Variants in SUN1 observed in about 807,000 individuals in gnomAD.
The protein encoded by SUN1 is SUN domain-containing protein 1.
A neutral mutation model predicts 103.2 loss-of-function variants in SUN1; 61 were observed. The observed-to-expected ratio is 0.59, with a 90% CI of 0.48 to 0.73. The LOEUF is 0.73. SUN1 is among the 30% of genes least tolerant of loss of function. SUN1 has a pLI of 0.00. For missense variants in SUN1, 1,052 were observed against 1,034.6 expected (o/e 1.02, Z -0.23); for synonymous variants, 490 against 425.7 (o/e 1.15, Z -1.86).
chr7:846,171 T>C (rs1188241722), intron 5 of SUN1, among the ~76,000 whole-genome samples: 1 of 152,040 alleles, frequency 6.6e-6, no homozygotes, highest in East Asian at 1.9e-4. Flanking sequence ...TACAGTGATG[T>C]GATCTCAGCT....
chr7:845,136 C>T (rs1438021605), intron 5 of SUN1, among the ~76,000 whole-genome samples: 3 of 152,164 alleles, frequency 2.0e-5, no homozygotes, highest in African/African-American at 7.2e-5. Flanking sequence ...TGAAGGTCTC[C>T]CTACGCGTGT....
At position 839,663 on chromosome 7, in the gene SUN1, C is replaced by T. The variant is rs897680541; in HGVS notation, c.266+677C>T. ...TGCCTCCCGGGTTCAAGAGATTCTC[C>T]TGCCTCAGCCTCCCGAGTAGCTGGG... is the stretch of plus-strand genomic sequence containing the variant. On this transcript the variant is annotated intron_variant, in intron 2 of 18. Coordinates refer to ENST00000401592, the MANE Select transcript of SUN1 (RefSeq NM_001130965.3). Among the ~76,000 whole-genome samples, 12 of 113,268 alleles carry T rather than the reference C, an allele frequency of 1.1e-4. 2 individuals carry two copies. The highest frequency in any genetic ancestry group is 1.6e-4 in the African/African-American group (5 of 30,418). 74.3% of individuals were successfully genotyped at this position (113,268 alleles called of 152,430 possible).
rs544500261 is a variant in SUN1 at position 857,018 on chromosome 7, C to T, written c.1394+617C>T. On this transcript the variant is annotated intron_variant, in intron 12 of 18. Coordinates refer to ENST00000401592, the MANE Select transcript of SUN1 (RefSeq NM_001130965.3). Reference sequence around the variant, plus strand: ...CTGGCATTTTGCTCCTCACTCAGGGCGGCTTTCTTCCACACGACCACTGAT... The same window carrying T: ...CTGGCATTTTGCTCCTCACTCAGGGTGGCTTTCTTCCACACGACCACTGAT... Among the ~76,000 whole-genome samples the T allele has an allele frequency of 9.2e-5, 14 of 152,276 alleles. No homozygotes were observed. In the South Asian group the frequency reaches 1.2e-3, roughly 14 times the overall value.
chr7:836,098 G>C (rs555924867), intron 1 of SUN1, among the ~76,000 whole-genome samples: 2 of 152,230 alleles, frequency 1.3e-5, no homozygotes, highest in Non-Finnish European at 2.9e-5. Flanking sequence ...CCTGTCGGCT[G>C]CTGGGGGAGG....
In SUN1 at chr7:832,598, T is replaced by C. The variant is rs1039713457; in HGVS notation, c.74T>C (p.Leu25Pro). The C allele has an allele frequency of 1.9e-6, 3 of 1,610,920 alleles. No individual in the cohort carries two copies. The highest frequency in any genetic ancestry group is 2.5e-6 in the Non-Finnish European group (3 of 1,178,552). Residue 25 changes from leucine (L) to proline (P), a missense_variant, in exon 1 of 19, where the codon CTC becomes CCC. Leu to Pro is a moderately conservative substitution (Grantham distance 98). Coordinates refer to ENST00000401592, the MANE Select transcript of SUN1 (RefSeq NM_001130965.3). ...VPENTGYTYA[L>P]SSSYSSDALD... ...GAGAACACGGGCTACACGTATGCGC[T>C]CAGGTGAGTGTGCACCTGCACGTGG...
At position 852,857 on chromosome 7, in the gene SUN1, G is replaced by C; in HGVS notation, c.958G>C (p.Val320Leu). The change falls in exon 9 of 19, where the codon GTG becomes CTG. Residue 320 changes from valine (V) to leucine (L), a missense_variant. This residue lies in a region of SUN1 where 846 missense variants were observed against 774.5 expected (regional missense o/e 1.09). Transcript: ENST00000401592. ...GQGNFFSFLP[V>L]LNWASMHRTQ... is the part of the protein sequence containing the mutation. Reference sequence around the variant, plus strand: ...GGGCAATTTCTTTTCGTTCTTGCCCGTGTTGAACTGGGCAAGCATGCATAG... The same window carrying C: ...GGGCAATTTCTTTTCGTTCTTGCCCCTGTTGAACTGGGCAAGCATGCATAG... 6.2e-7 allele frequency: 1 copy of C among 1,613,978 alleles called. No individual in the cohort carries two copies. The highest frequency in any genetic ancestry group is 1.3e-5 in the African/African-American group (1 of 75,032).
intron 1 of SUN1, among the ~76,000 whole-genome samples, chr7:825,196 C>T (rs931851095): frequency 1.3e-5 from 2 of 151,906 alleles, no homozygotes; most frequent in African/African-American, 4.8e-5. Flanking sequence ...GTAGCTGGGA[C>T]TACAGGCGCC....
At chr7:868,175 C>T (rs1027589100) in intron 16 of SUN1, among the ~76,000 whole-genome samples, 8 of 152,254 alleles carry the variant, frequency 5.3e-5, no homozygotes, top group Non-Finnish European at 1.0e-4. Context: ...GTCGTCCTCA[C>T]ACACTGAAGG....
rs189526215 is a variant in SUN1 at position 871,069 on chromosome 7, T to G, written c.2149-1401T>G. 9.9e-4 allele frequency among the ~76,000 whole-genome samples: 151 copies of G among 151,984 alleles called. 1 individual carries two copies. Among genetic ancestry groups the G allele is most frequent in the African/African-American group, 3.5e-3 (146 of 41,434 alleles). ...CCACGCCCGGCTAATTTTTGTGTTT[T>G]TAGTAGAGACGGGGTTTCTCCTTGT... On this transcript the variant is annotated intron_variant, in intron 17 of 18. Coordinates refer to ENST00000401592, the MANE Select transcript of SUN1 (RefSeq NM_001130965.3).
intron 1 of SUN1, among the ~76,000 whole-genome samples, chr7:818,211 C>T (rs1253816412): frequency 6.6e-6 from 1 of 152,228 alleles, no homozygotes. Flanking sequence ...TCTCCCCAGG[C>T]CCCGGCAACG....
At chr7:816,199 T>TGGAGACCCCTCCCCCAGGC (rs773176351), upstream of SUN1, 18 of 170,060 alleles carry the variant, frequency 1.1e-4, no homozygotes, top group South Asian at 6.0e-4. Flanking sequence ...CTCCCCCAGG[T>TGGAGACCCCTCCCCCAGGC]GCAGACCCCT....
Position 867,674 on chromosome 7 carries a change from G to GA in SUN1, c.1980+1608dup, listed in dbSNP as rs368256456. Among the ~76,000 whole-genome samples, 888 of 152,336 alleles carry GA rather than the reference G, an allele frequency of 5.8e-3. 3 individuals carry two copies. Among genetic ancestry groups the GA allele is most frequent in the South Asian group, 0.022 (104 of 4,834 alleles). On this transcript the variant is annotated intron_variant, in intron 16 of 18. Transcript: ENST00000401592. ...ATCACCAATCACTGTGCTGGGACTGGACTGAGAAACTGTCGGCTCCTGGGA... is the reference window on the plus strand; with the variant it reads ...ATCACCAATCACTGTGCTGGGACTGGAACTGAGAAACTGTCGGCTCCTGGGA...
chr7:852,595 A>T lies in SUN1; in HGVS notation c.852-14A>T. 6.2e-7 allele frequency: 1 copy of T among 1,614,158 alleles called. No homozygotes were observed. The highest frequency in any genetic ancestry group is 8.5e-7 in the Non-Finnish European group (1 of 1,180,012). The stretch of plus-strand genomic sequence containing the variant: ...CATTTTTTCTAAGTCAAAGGTTTTC[A>T]TTGTTACTCCCAGGTGCCTTCGAAA... On this transcript the variant is annotated splice_polypyrimidine_tract_variant and intron_variant, in intron 7 of 18. Coordinates refer to ENST00000401592, the MANE Select transcript of SUN1 (RefSeq NM_001130965.3).
intron 1 of SUN1, chr7:817,608 A>G (rs937613260): frequency 7.5e-7 from 1 of 1,332,254 alleles, no homozygotes; most frequent in Non-Finnish European, 1.0e-6. Flanking sequence ...TCTAAGCTTC[A>G]GTCATAGTAT....
Position 873,551 on chromosome 7 carries a change from A to C in SUN1, c.*220A>C. 1 of 511,574 alleles carries C rather than the reference A, an allele frequency of 2.0e-6. No individual in the cohort carries two copies. Among genetic ancestry groups the C allele is most frequent in the South Asian group, 2.7e-5 (1 of 36,472 alleles). 31.7% of individuals were successfully genotyped at this position (511,574 alleles called of 1,614,324 possible). On this transcript the variant is annotated 3_prime_UTR_variant, in exon 19 of 19. Coordinates refer to ENST00000401592, the MANE Select transcript of SUN1 (RefSeq NM_001130965.3). ...GGTGCAGAGGGGTCAGCAGCAGGAG[A>C]AGCGTGTTGAACACGTGGCTCTCAG...
At chr7:871,311 CAT>C (rs748584801) in intron 17 of SUN1, among the ~76,000 whole-genome samples, 11 of 152,244 alleles carry the variant, frequency 7.2e-5, no homozygotes, top group African/African-American at 9.6e-5. Flanking sequence ...AAATAATAAT[CAT>C]GTGTCATTCT....
Position 838,753 on chromosome 7 carries a change from G to A in SUN1, c.78-45G>A, listed in dbSNP as rs1287718725. ...GGTTTGTTCATTTTGTTTCAGAATG[G>A]GGGCTATAAGCACTGCTTACCTCTG... On this transcript the variant is annotated intron_variant, in intron 1 of 18. Coordinates refer to ENST00000401592, the MANE Select transcript of SUN1 (RefSeq NM_001130965.3). 4.8e-6 allele frequency: 7 copies of A among 1,451,288 alleles called. No homozygotes were observed. In the South Asian group the frequency reaches 1.0e-4, roughly 21 times the overall value. The allele number at this position is 1,451,288 out of a possible 1,614,324, so 89.9% of individuals were successfully genotyped here. A position where few individuals can be genotyped will look rare whatever the true frequency, so the allele number is the denominator to read the frequency against.
At chr7:840,453 C>A (rs1245138751) in intron 2 of SUN1, among the ~76,000 whole-genome samples, 1 of 152,216 alleles carries the variant, frequency 6.6e-6, no homozygotes, top group Non-Finnish European at 1.5e-5. Flanking sequence ...CCGTCGTCCT[C>A]CCTCTGCCGG....
chr7:821,934 G>A (rs1456941292), intron 1 of SUN1, among the ~76,000 whole-genome samples: 1 of 152,202 alleles, frequency 6.6e-6, no homozygotes, highest in Middle Eastern at 3.2e-3. Flanking sequence ...GGTTGTGCTT[G>A]TGTTGCCCTG....
Sources: gnomAD v4.1 joint callset for allele counts (sites outside exome capture counted in the v4.1 genomes callset) on GRCh38, gnomAD v4.1.1 for gene constraint, gnomAD v4.1.1 regional missense constraint, MANE v1.5 for transcripts, NCBI Gene and HGNC (gene_info 2026-07-23, HGNC 2026-07-21) for gene names.